RAC2: variants seen among roughly 807,000 people sequenced by gnomAD.
RAC2 encodes the protein ras-related C3 botulinum toxin substrate 2.
RAC2 carries 1 observed loss-of-function variant against 24.0 expected under a neutral mutation model. That is an observed-to-expected ratio of 0.04 (90% CI 0.01 to 0.20). The LOEUF is 0.20. RAC2 is among the 10% of genes least tolerant of loss of function. The pLI, the probability that RAC2 is intolerant of heterozygous loss-of-function variation, is 1.00. For synonymous variants in RAC2, 114 were observed against 106.8 expected (o/e 1.07, Z -0.41); for missense variants, 130 against 259.1 (o/e 0.50, Z 3.42).
rs888572043 is a variant in RAC2, at chr22:37,234,082, G to A, written c.108-1164C>T. On this transcript the variant is annotated intron_variant, in intron 2 of 6. Coordinates refer to ENST00000249071, the MANE Select transcript of RAC2 (RefSeq NM_002872.5). ...AGAGAGCCCTGCAGGGCCATCGAAC[G>A]AGCCTCCAGATGCACTTGCTAGGCA... 5.9e-5 allele frequency among the ~76,000 whole-genome samples: 9 copies of A among 152,150 alleles called. No individual in the cohort carries two copies. The East Asian group carries it at 7.8e-4, about 13-fold the overall frequency.
At chr22:37,243,814 T>C (rs1054875536) in intron 1 of RAC2, among the ~76,000 whole-genome samples, 1 of 152,162 alleles carries the variant, frequency 6.6e-6, no homozygotes, top group Non-Finnish European at 1.5e-5. Context: ...CTTGCCTCCG[T>C]GGGAGACCTG....
rs200676821 is a variant in RAC2, at chr22:37,241,538, GA to G, written c.107+48del. ...TGCCTGAAAGGGGGGTCGACTTGGT[GA>G]CGGTCTCTCCCCTCCTCCCACCACC... On this transcript the variant is annotated intron_variant, in intron 2 of 6. Coordinates refer to ENST00000249071, the MANE Select transcript of RAC2 (RefSeq NM_002872.5). The G allele has an allele frequency of 7.7e-3, 12,054 of 1,561,778 alleles. 69 individuals are homozygous for G. Among genetic ancestry groups the G allele is most frequent in the Middle Eastern group, 0.01 (61 of 5,968 alleles).
rs1601677061 is a variant in RAC2 at position 37,240,739 on chromosome 22, C to T, written c.107+848G>A. The T allele has an allele frequency of 4.2e-5, 19 of 449,604 alleles. No individual in the cohort carries two copies. In the South Asian group the frequency reaches 4.3e-4, roughly 10 times the overall value. The allele number at this position is 449,604 out of a possible 1,614,324, so 27.9% of individuals were successfully genotyped here. ...TCACTCTGGGGAGTGGAGACCCCTTCGTGGTAGATCAGAAAGGCTTCCCGG... is the reference window on the plus strand; with the variant it reads ...TCACTCTGGGGAGTGGAGACCCCTTTGTGGTAGATCAGAAAGGCTTCCCGG... On this transcript the variant is annotated intron_variant, in intron 2 of 6. Coordinates refer to ENST00000249071, the MANE Select transcript of RAC2 (RefSeq NM_002872.5).
At chr22:37,237,201 AAGGGAGGAAGGG>A (rs1386292827) in intron 2 of RAC2, among the ~76,000 whole-genome samples, 120 of 135,166 alleles carry the variant, frequency 8.9e-4, no homozygotes, top group African/African-American at 3.1e-3. Context: ...GGAAGGAAGG[AAGGGAGGAAGGG>A]AGGGAGGAAG....
At chr22:37,241,806 TGTGTTCTCACACCCGAGAGCCTGCAA>T in intron 1 of RAC2, 148 bp from the exon 2 acceptor site, 1 of 730,210 alleles carries the variant, frequency 1.4e-6, no homozygotes, top group East Asian at 2.7e-5. Flanking sequence ...GCCCCCTGTC[TGTGTTCTCACACCCGAGAGCCTGCAA>T]GTCATGTGGA....
chr22:37,232,150 G>A (rs945473750), intron 3 of RAC2, among the ~76,000 whole-genome samples, 156 bp from the exon 4 acceptor site: 1 of 152,132 alleles, frequency 6.6e-6, no homozygotes, highest in African/African-American at 2.4e-5. Flanking sequence ...TACCCTTCTC[G>A]CCTCTACCAC....
At chr22:37,240,957 T>A in intron 2 of RAC2, 1 of 704,586 alleles carries the variant, frequency 1.4e-6, no homozygotes, top group Non-Finnish European at 2.7e-6. Flanking sequence ...AGGTGGGAGG[T>A]TGAGTGAAGG....
chr22:37,243,714 C>G (rs1171902611), intron 1 of RAC2, among the ~76,000 whole-genome samples: 1 of 152,238 alleles, frequency 6.6e-6, no homozygotes, highest in Non-Finnish European at 1.5e-5. Flanking sequence ...CGGCACCAAG[C>G]CAGTGACGAC....
rs539660525 is a variant in RAC2 at position 37,231,259 on chromosome 22, C to A, written c.420G>T (p.Pro140=). The change falls in exon 5 of 7, where the codon CCG becomes CCT. Residue 140 remains proline (P), a synonymous_variant. Transcript: ENST00000249071. This position sits in a 1 kb window ranked among gnomAD's most constrained non-coding sequence, Gnocchi z 5.5. ...KEKKLAPITY[P]QGLALAKEID... The stretch of plus-strand genomic sequence containing the variant: ...TCTCCTTGGCCAGTGCCAGGCCCTG[C>A]GGGTAGGTGATGGGAGCCAGCTTCT... 1.9e-6 allele frequency: 3 copies of A among 1,613,694 alleles called. No individual in the cohort carries two copies. Among genetic ancestry groups the A allele is most frequent in the East Asian group, 4.5e-5 (2 of 44,874 alleles).
Position 37,231,447 on chromosome 22 carries a change from T to C in RAC2, c.289-57A>G. The C allele has an allele frequency of 2.6e-6, 4 of 1,545,526 alleles. No homozygotes were observed. The highest frequency in any genetic ancestry group is 1.1e-5 in the South Asian group (1 of 89,790). On this transcript the variant is annotated intron_variant, in intron 4 of 6. Transcript: ENST00000249071. The surrounding 1 kb of genome is among the most constrained non-coding windows in gnomAD (Gnocchi z 5.5). ...TATGGGTCAAGAGGGGGCGCGAGGC[T>C]GTGCGGGGATCAGAGGGAGTGTGAG... is the stretch of plus-strand genomic sequence containing the variant.
At chr22:37,241,199 C>A (rs756235135) in intron 2 of RAC2, 1 of 775,826 alleles carries the variant, frequency 1.3e-6, no homozygotes, top group South Asian at 1.3e-5. Flanking sequence ...CCTCAGCATG[C>A]CTTGTCCCCA....
rs192479531 is a variant in RAC2 at position 37,231,078 on chromosome 22, C to T, written c.448+153G>A. 3.3e-3 allele frequency among the ~76,000 whole-genome samples: 498 copies of T among 152,294 alleles called. 5 individuals are homozygous for T. The highest frequency in any genetic ancestry group is 0.011 in the African/African-American group (446 of 41,562). On this transcript the variant is annotated intron_variant, in intron 5 of 6. Coordinates refer to ENST00000249071, the MANE Select transcript of RAC2 (RefSeq NM_002872.5). This position sits in a 1 kb window ranked among gnomAD's most constrained non-coding sequence, Gnocchi z 5.5. ...AGGAAACACAGGCAGAGAGAGGCTACGTGACTCGCCCAAGGTCACACAGCA... is the reference window on the plus strand; with the variant it reads ...AGGAAACACAGGCAGAGAGAGGCTATGTGACTCGCCCAAGGTCACACAGCA...
chr22:37,228,757 G>C (rs1202157726), intron 5 of RAC2, among the ~76,000 whole-genome samples: 2 of 152,208 alleles, frequency 1.3e-5, no homozygotes, highest in Non-Finnish European at 2.9e-5. Context: ...GGCAGCCCCT[G>C]GAACAGGGGA....
chr22:37,236,429 A>G (rs1927223470), intron 2 of RAC2, among the ~76,000 whole-genome samples: 1 of 152,234 alleles, frequency 6.6e-6, no homozygotes, highest in African/African-American at 2.4e-5. Context: ...TTCCGGATGA[A>G]GAAATTGAGG....
Position 37,226,737 on chromosome 22 carries a change from G to C in RAC2, c.515C>G (p.Ala172Gly). The part of the protein sequence containing the change: ...QRGLKTVFDE[A>G]IRAVLCPQPT... Reference sequence around the variant, plus strand: ...CTGAGGGCACAGCACGGCCCGGATGGCCTCGTCGAACACGGTTTTCAGGCC... The same window carrying C: ...CTGAGGGCACAGCACGGCCCGGATGCCCTCGTCGAACACGGTTTTCAGGCC... Residue 172 changes from alanine to glycine, a missense_variant, in exon 6 of 7, where the codon GCC becomes GGC. Ala to Gly is a moderately conservative substitution (Grantham distance 60). This residue lies in a region of RAC2 where 119 missense variants were observed against 192.1 expected (regional missense o/e 0.62). Coordinates refer to ENST00000249071, the MANE Select transcript of RAC2 (RefSeq NM_002872.5). 1 of 1,613,154 alleles carries C rather than the reference G, an allele frequency of 6.2e-7. No individual in the cohort carries two copies. Among genetic ancestry groups the C allele is most frequent in the Admixed American group, 1.7e-5 (1 of 59,962 alleles).
At chr22:37,241,001 C>CG (rs1927371110) in intron 2 of RAC2, 1 of 716,350 alleles carries the variant, frequency 1.4e-6, no homozygotes, top group Admixed American at 2.0e-5. Context: ...GCTAGGGAGT[C>CG]GGGGAAATGT....
chr22:37,228,471 T>C (rs1260478183), intron 5 of RAC2, among the ~76,000 whole-genome samples: 2 of 152,130 alleles, frequency 1.3e-5, no homozygotes, highest in African/African-American at 4.8e-5. Context: ...TCTGCCGAGA[T>C]GCTATGCAGG....
intron 2 of RAC2, among the ~76,000 whole-genome samples, chr22:37,236,686 T>G (rs896391651): frequency 1.3e-5 from 2 of 152,136 alleles, no homozygotes; most frequent in East Asian, 3.9e-4. Context: ...CACCCAGGTA[T>G]CACCTGACCA....
chr22:37,244,224 A>G lies in RAC2; in HGVS notation c.-76T>C. The G allele has an allele frequency of 6.5e-7, 1 of 1,535,162 alleles. No homozygotes were observed. The highest frequency in any genetic ancestry group is 8.9e-7 in the Non-Finnish European group (1 of 1,119,884). On this transcript the variant is annotated 5_prime_UTR_variant, in exon 1 of 7. Coordinates refer to ENST00000249071, the MANE Select transcript of RAC2 (RefSeq NM_002872.5). ...GTTTCTGCGGGCGCAAGGGGTGTGGAGGCTGGTGAGGCGCCTGCTGAGGAG... is the reference window on the plus strand; with the variant it reads ...GTTTCTGCGGGCGCAAGGGGTGTGGGGGCTGGTGAGGCGCCTGCTGAGGAG...
Sources: gnomAD v4.1 joint callset for allele counts (sites outside exome capture counted in the v4.1 genomes callset) on GRCh38, gnomAD v4.1.1 for gene constraint, gnomAD v4.1.1 regional missense constraint, Gnocchi (gnomAD v3.1) non-coding constraint, MANE v1.5 for transcripts, NCBI Gene and HGNC (gene_info 2026-07-23, HGNC 2026-07-21) for gene names.